The following SCN2A variants were observed in gnomAD, a reference collection of about 807,000 sequenced individuals.
SCN2A encodes sodium channel protein type 2 subunit alpha.
SCN2A carries 20 observed loss-of-function variants against 188.7 expected under a neutral mutation model. The observed-to-expected ratio is 0.11, with a 90% confidence interval of 0.07 to 0.15. The LOEUF (loss-of-function observed/expected upper bound fraction) is 0.15, where lower values mean the gene tolerates loss of function less well. Ranked by LOEUF, SCN2A falls within the 10% of genes least tolerant of loss-of-function variation. SCN2A has a pLI of 1.00. For missense variants in SCN2A, 1,278 were observed against 2,445.0 expected (o/e 0.52, Z 10.07); for synonymous variants, 804 against 833.1 (o/e 0.97, Z 0.60).
At chr2:165,313,407 G>T (rs148552827) in intron 8 of SCN2A, among the ~76,000 whole-genome samples, 2 of 152,176 alleles carry the variant, frequency 1.3e-5, no homozygotes, top group African/African-American at 2.4e-5. Flanking sequence ...TGACAATTAT[G>T]AATCACAGAG....
rs965606053 is a variant in SCN2A, at chr2:165,286,910, G to C, written c.-51-8863G>C. On this transcript the variant is annotated intron_variant, in intron 1 of 26. Coordinates refer to ENST00000375437, the MANE Select transcript of SCN2A (RefSeq NM_001040142.2). Reference sequence around the variant, plus strand: ...GGATTTGCTCACATCTCTGAGATTTGAATGGAGGTTGTTTCCCATTTTACC... The same window carrying C: ...GGATTTGCTCACATCTCTGAGATTTCAATGGAGGTTGTTTCCCATTTTACC... Among the ~76,000 whole-genome samples, 3 of 152,230 alleles carry C rather than the reference G, an allele frequency of 2.0e-5. No homozygotes were observed. The South Asian group carries it at 6.2e-4, about 32-fold the overall frequency.
Position 165,242,947 on chromosome 2 carries a change from T to C in SCN2A, c.-52+3307T>C, listed in dbSNP as rs192503585. On this transcript the variant is annotated intron_variant, in intron 1 of 26. Transcript: ENST00000375437. Reference sequence around the variant, plus strand: ...TATCTCCTCTGATTAAATCAGTTTGTTCCTCAGTAAAGGCTATTGGTGGCA... The same window carrying C: ...TATCTCCTCTGATTAAATCAGTTTGCTCCTCAGTAAAGGCTATTGGTGGCA... 3.3e-5 allele frequency among the ~76,000 whole-genome samples: 5 copies of C among 152,342 alleles called. No individual in the cohort carries two copies. In the East Asian group the frequency reaches 9.7e-4, roughly 29 times the overall value.
chr2:165,268,115 A>G (rs1426571533), intron 1 of SCN2A: 4 of 151,966 alleles, frequency 2.6e-5, no homozygotes, highest in Admixed American at 6.6e-5. Context: ...CATTCAAAGA[A>G]GAATTGGTAC....
At chr2:165,337,814 G>A (rs1169954821) in intron 14 of SCN2A, among the ~76,000 whole-genome samples, 1 of 152,116 alleles carries the variant, frequency 6.6e-6, no homozygotes, top group Non-Finnish European at 1.5e-5. Flanking sequence ...TCTTTAGGCC[G>A]AATAGGAAAA....
rs1264494017 is a variant in SCN2A at position 165,279,879 on chromosome 2, C to T, written c.-51-15894C>T. ...AACTGAATCATGTGGGCAGGTGTCT[C>T]CCGTGCTGTTCTTGTGATAGTGAAT... On this transcript the variant is annotated intron_variant, in intron 1 of 26. Coordinates refer to ENST00000375437, the MANE Select transcript of SCN2A (RefSeq NM_001040142.2). 4.6e-5 allele frequency among the ~76,000 whole-genome samples: 7 copies of T among 152,266 alleles called. 1 individual carries two copies. The highest frequency in any genetic ancestry group is 3.9e-4 in the Admixed American group (6 of 15,300).
chr2:165,342,572 G>A, intron 15 of SCN2A, 103 bp downstream of exon 15: 1 of 1,260,466 alleles, frequency 7.9e-7, no homozygotes, highest in Non-Finnish European at 1.2e-6. Flanking sequence ...AATATTATTT[G>A]AATACACTTC....
intron 25 of SCN2A, among the ~76,000 whole-genome samples, chr2:165,386,039 A>G (rs1404204101): frequency 6.6e-6 from 1 of 152,228 alleles, no homozygotes. Context: ...ACAGTTGAAT[A>G]TACAATATAC....
chr2:165,312,301 T>G (rs1473886828), intron 8 of SCN2A, among the ~76,000 whole-genome samples: 1 of 152,142 alleles, frequency 6.6e-6, no homozygotes, highest in Non-Finnish European at 1.5e-5. Flanking sequence ...CTAGGTCACA[T>G]CTAATCTTCC....
In SCN2A at chr2:165,377,933, T is replaced by A. The variant is rs73969391; in HGVS notation, c.4308+283T>A. ...TTTTCAAAATGAGACATTTTATTTT[T>A]GGCTCTGATAGTCCTGGTCATTTGT... On this transcript the variant is annotated intron_variant, in intron 23 of 26. Transcript: ENST00000375437. Among the ~76,000 whole-genome samples, 2,442 of 151,994 alleles carry A rather than the reference T, an allele frequency of 0.016. 64 individuals carry two copies. Among genetic ancestry groups the A allele is most frequent in the African/African-American group, 0.055 (2,299 of 41,506 alleles).
intron 13 of SCN2A, among the ~76,000 whole-genome samples, 194 bp from the exon 14 acceptor site, chr2:165,331,136 A>G (rs1448916866): frequency 6.6e-6 from 1 of 152,202 alleles, no homozygotes; most frequent in African/African-American, 2.4e-5. Flanking sequence ...ACATTTGGAA[A>G]GCTTACTAGC....
chr2:165,352,136 C>A (rs948992186), intron 16 of SCN2A, among the ~76,000 whole-genome samples: 1 of 151,700 alleles, frequency 6.6e-6, no homozygotes, highest in Non-Finnish European at 1.5e-5. Flanking sequence ...GGAAATAGCA[C>A]CAAAATAGAT....
At position 165,391,602 on chromosome 2, in the gene SCN2A, A is replaced by C. The variant is rs886055006; in HGVS notation, c.*1778A>C. 1 of 152,390 alleles carries C rather than the reference A, an allele frequency of 6.6e-6. No homozygotes were observed. Among genetic ancestry groups the C allele is most frequent in the Non-Finnish European group, 1.5e-5 (1 of 67,962 alleles). 9.4% of individuals were successfully genotyped at this position (152,390 alleles called of 1,614,324 possible). A position where few individuals can be genotyped will look rare whatever the true frequency, so the allele number is the denominator to read the frequency against. ...CATTTCAATGTGAAACAAATCTCAA[A>C]CTGAGTTCAATGTTTATTTGCTTTC... On this transcript the variant is annotated 3_prime_UTR_variant, in exon 27 of 27. Transcript: ENST00000375437.
chr2:165,368,496 T>C (rs926781823), intron 19 of SCN2A, among the ~76,000 whole-genome samples: 1 of 152,186 alleles, frequency 6.6e-6, no homozygotes, highest in African/African-American at 2.4e-5. Context: ...TGCCTCTTGT[T>C]CCTGTCAAAA....
intron 23 of SCN2A, 46 bp from the exon 24 acceptor site, chr2:165,380,545 TG>T: frequency 7.1e-7 from 1 of 1,409,338 alleles, no homozygotes; most frequent in Non-Finnish European, 1.0e-6. Context: ...GTACTTTTTG[TG>T]AAACAAGTAC....
At chr2:165,369,026 T>C (rs1172033062) in intron 19 of SCN2A, among the ~76,000 whole-genome samples, 2 of 152,044 alleles carry the variant, frequency 1.3e-5, no homozygotes, top group African/African-American at 4.8e-5. Context: ...CTTGGGTTCA[T>C]GCCATTCTTG....
intron 11 of SCN2A, among the ~76,000 whole-genome samples, chr2:165,317,523 C>A (rs1697826610): frequency 6.6e-6 from 1 of 152,148 alleles, no homozygotes; most frequent in Non-Finnish European, 1.5e-5. Context: ...AGATTTGAAA[C>A]TTCATATCAA....
Position 165,323,463 on chromosome 2 carries a change from C to T in SCN2A, c.1979C>T (p.Pro660Leu). The change falls in exon 12 of 27, where the codon CCT (proline) becomes CTT (leucine). Residue 660 changes from proline to leucine, a missense_variant. This residue lies in a region of SCN2A where 315 missense variants were observed against 386.6 expected (regional missense o/e 0.81). Coordinates refer to ENST00000375437, the MANE Select transcript of SCN2A (RefSeq NM_001040142.2). ...GGTGTGGTCTCCCTGGTCGGGGGCC[C>T]TTCTACCCTCACATCTGCTGGGCAG... The part of the protein sequence containing the change: ...CNGVVSLVGG[P>L]STLTSAGQLL... 2 of 1,613,854 alleles carry T rather than the reference C, an allele frequency of 1.2e-6. No individual in the cohort carries two copies. The highest frequency in any genetic ancestry group is 1.7e-6 in the Non-Finnish European group (2 of 1,179,882).
chr2:165,268,708 A>G (rs1337763895), intron 1 of SCN2A: 1 of 151,892 alleles, frequency 6.6e-6, no homozygotes, highest in Non-Finnish European at 1.5e-5. Context: ...TAGACAGGAT[A>G]CGGAATCAAC....
chr2:165,314,129 G>A, intron 10 of SCN2A, 21 bp downstream of exon 10: 1 of 1,608,120 alleles, frequency 6.2e-7, no homozygotes, highest in Non-Finnish European at 8.5e-7. Flanking sequence ...CAAGCATACG[G>A]TCCTTTGTTT....
Sources: allele counts gnomAD v4.1 joint callset (sites outside exome capture counted in the v4.1 genomes callset), GRCh38; gene constraint gnomAD v4.1.1; regional missense constraint gnomAD v4.1.1; transcripts MANE v1.5; gene names NCBI Gene and HGNC (gene_info 2026-07-23, HGNC 2026-07-21).